The following MTURN variants were observed in gnomAD, a reference collection of about 807,000 sequenced individuals.
MTURN encodes the protein maturin, neural progenitor differentiation regulator homolog.
MTURN carries 7 observed loss-of-function variants against 14.9 expected under a neutral mutation model. That is an observed-to-expected ratio of 0.47 (90% CI 0.27 to 0.88). The LOEUF is 0.88. Ranked by LOEUF, MTURN falls within the 40% of genes least tolerant of loss-of-function variation. MTURN has a pLI of 0.14. For synonymous variants in MTURN, 69 were observed against 72.5 expected (o/e 0.95, Z 0.25); for missense variants, 151 against 174.1 (o/e 0.87, Z 0.75).
rs149424638 is a variant in MTURN at position 30,157,555 on chromosome 7, G to C, written c.*7G>C. 651 of 1,590,420 alleles carry C rather than the reference G, an allele frequency of 4.1e-4. 4 individuals carry two copies. In the African/African-American group the frequency reaches 5.8e-3, roughly 14 times the overall value. On this transcript the variant is annotated 3_prime_UTR_variant, in exon 3 of 3. Coordinates refer to ENST00000324453, the MANE Select transcript of MTURN (RefSeq NM_152793.3). ...GGGGGTCAGCCAGCAGTAAATCTGG[G>C]GGCTCCCCTGAGAAGGAGAGTGAGC...
chr7:30,153,516 A>C (rs904853022), intron 2 of MTURN, among the ~76,000 whole-genome samples: 1 of 152,184 alleles, frequency 6.6e-6, no homozygotes, highest in Non-Finnish European at 1.5e-5. Flanking sequence ...GTCTGCTGTC[A>C]GATCACCCAG....
chr7:30,155,488 C>G (rs1797273300), intron 2 of MTURN, among the ~76,000 whole-genome samples: 1 of 152,120 alleles, frequency 6.6e-6, no homozygotes, highest in Non-Finnish European at 1.5e-5. Context: ...GTTTTTTATT[C>G]CATTTACTAA....
chr7:30,135,623 C>G (rs973116869), intron 1 of MTURN, among the ~76,000 whole-genome samples: 3 of 152,164 alleles, frequency 2.0e-5, no homozygotes, highest in Non-Finnish European at 4.4e-5. Context: ...CCTCGCGGCC[C>G]GTGCGCGGTG....
Position 30,157,790 on chromosome 7 carries a change from T to C in MTURN, c.*242T>C, listed in dbSNP as rs1303597703. 2 of 250,556 alleles carry C rather than the reference T, an allele frequency of 8.0e-6. No individual in the cohort carries two copies. Among genetic ancestry groups the C allele is most frequent in the Non-Finnish European group, 1.5e-5 (2 of 130,562 alleles). The allele number at this position is 250,556 out of a possible 1,614,324, so 15.5% of individuals were successfully genotyped here. A position where few individuals can be genotyped will look rare whatever the true frequency, so the allele number is the denominator to read the frequency against. On this transcript the variant is annotated 3_prime_UTR_variant, in exon 3 of 3. Coordinates refer to ENST00000324453, the MANE Select transcript of MTURN (RefSeq NM_152793.3). The stretch of plus-strand genomic sequence containing the variant: ...TCTATGGAGTTGTCTTGGTAGCCTT[T>C]GCCATTTTGAATTTAGAGTCCATTT...
chr7:30,150,571 G>A (rs1003358923), intron 2 of MTURN, among the ~76,000 whole-genome samples: 1 of 152,204 alleles, frequency 6.6e-6, no homozygotes, highest in African/African-American at 2.4e-5. Flanking sequence ...AGTTTTCTAT[G>A]ATCACATTAT....
intron 1 of MTURN, among the ~76,000 whole-genome samples, chr7:30,143,115 T>G (rs1797076056): frequency 6.6e-6 from 1 of 152,038 alleles, no homozygotes; most frequent in African/African-American, 2.4e-5. Flanking sequence ...GGCCCCTGTA[T>G]CTTCCTAAGA....
At chr7:30,154,500 C>T (rs141500561) in intron 2 of MTURN, among the ~76,000 whole-genome samples, 1 of 152,300 alleles carries the variant, frequency 6.6e-6, no homozygotes, top group Non-Finnish European at 1.5e-5. Context: ...CGTGTAGTTA[C>T]ATAAGGCTCC....
intron 1 of MTURN, among the ~76,000 whole-genome samples, chr7:30,139,676 C>G (rs1046457902): frequency 6.6e-6 from 1 of 152,176 alleles, no homozygotes; most frequent in African/African-American, 2.4e-5. Flanking sequence ...GCAGAACAGC[C>G]CACAGGTGGG....
chr7:30,148,612 G>T (rs1002163516), intron 2 of MTURN, among the ~76,000 whole-genome samples: 18 of 152,198 alleles, frequency 1.2e-4, no homozygotes, highest in Admixed American at 8.5e-4. Context: ...CGGGGTGAGG[G>T]GTTGGATTCT....
At chr7:30,155,546 A>G (rs988845585) in intron 2 of MTURN, among the ~76,000 whole-genome samples, 3 of 152,118 alleles carry the variant, frequency 2.0e-5, no homozygotes, top group South Asian at 2.1e-4. Context: ...TCTTCTCCCA[A>G]GCACACTCAA....
Position 30,150,872 on chromosome 7 carries a change from A to G in MTURN, c.285+4573A>G, listed in dbSNP as rs191833198. On this transcript the variant is annotated intron_variant, in intron 2 of 2. Coordinates refer to ENST00000324453, the MANE Select transcript of MTURN (RefSeq NM_152793.3). ...TTTGCTCCCATGCTGTGTGGCCTCT[A>G]ACAGGTACACTTGGCCTCAGTGTCC... 3.3e-5 allele frequency among the ~76,000 whole-genome samples: 5 copies of G among 152,290 alleles called. No homozygotes were observed. In the East Asian group the frequency reaches 9.7e-4, roughly 29 times the overall value.
At chr7:30,145,987 ATAGAT>A in intron 1 of MTURN, 185 bp from the exon 2 acceptor site, 1 of 1,550,660 alleles carries the variant, frequency 6.4e-7, no homozygotes, top group Non-Finnish European at 8.7e-7. Flanking sequence ...GGGGGCTTCT[ATAGAT>A]TAGACATTTT....
At chr7:30,151,190 A>G (rs1208646024) in intron 2 of MTURN, among the ~76,000 whole-genome samples, 1 of 152,152 alleles carries the variant, frequency 6.6e-6, no homozygotes, top group African/African-American at 2.4e-5. Context: ...TTTTCTTGCT[A>G]CTGGCATGTC....
At chr7:30,145,931 C>T in intron 1 of MTURN, 2 of 1,551,714 alleles carry the variant, frequency 1.3e-6, no homozygotes. Context: ...TGTGTAGGAG[C>T]AGATCTGATG....
intron 1 of MTURN, among the ~76,000 whole-genome samples, chr7:30,139,787 C>T (rs1297446338): frequency 6.6e-6 from 1 of 152,196 alleles, no homozygotes; most frequent in Non-Finnish European, 1.5e-5. Flanking sequence ...TATCTCGCTC[C>T]ACAGGCCATC....
chr7:30,137,221 G>A (rs1796977516), intron 1 of MTURN: 2 of 163,876 alleles, frequency 1.2e-5, no homozygotes, highest in Non-Finnish European at 2.7e-5. Context: ...TCCTTCATCT[G>A]CCAGCGCCCT....
chr7:30,161,122 G>A lies in MTURN; in HGVS notation c.*3574G>A, dbSNP rs2128035414. ...GGGAGCTGTGGTCCCAAGTGTCATT[G>A]GAATTTATATTTTAGGAATAGGCTT... On this transcript the variant is annotated 3_prime_UTR_variant, in exon 3 of 3. Coordinates refer to ENST00000324453, the MANE Select transcript of MTURN (RefSeq NM_152793.3). The A allele has an allele frequency of 6.5e-6, 1 of 152,690 alleles. No individual in the cohort carries two copies. The highest frequency in any genetic ancestry group is 3.4e-3 in the Middle Eastern group (1 of 294). 9.5% of individuals were successfully genotyped at this position (152,690 alleles called of 1,614,324 possible).
chr7:30,135,104 C>T lies in MTURN; in HGVS notation c.-33C>T, dbSNP rs768113233. ...AGGAGGGCGCCTAGGAGCGGGAGGG[C>T]GGGCGGCGGCGGGAGGCGGGCGCGG... On this transcript the variant is annotated 5_prime_UTR_variant, in exon 1 of 3. Transcript: ENST00000324453. The T allele has an allele frequency of 1.9e-5, 26 of 1,397,812 alleles. No homozygotes were observed. The allele number at this position is 1,397,812 out of a possible 1,614,324, so 86.6% of individuals were successfully genotyped here.
rs575688021 is a variant in MTURN, at chr7:30,157,641, C to T, written c.*93C>T. On this transcript the variant is annotated 3_prime_UTR_variant, in exon 3 of 3. Coordinates refer to ENST00000324453, the MANE Select transcript of MTURN (RefSeq NM_152793.3). ...GGGTTAGCATTTTGCATTAGCACTT[C>T]GAAATAGGACATCTGGCTCCCAGCA... 87 of 766,992 alleles carry T rather than the reference C, an allele frequency of 1.1e-4. No individual in the cohort carries two copies. The South Asian group carries it at 1.9e-3, about 17-fold the overall frequency. 47.5% of individuals were successfully genotyped at this position (766,992 alleles called of 1,614,324 possible).
Sources: allele counts gnomAD v4.1 joint callset (sites outside exome capture counted in the v4.1 genomes callset), GRCh38; gene constraint gnomAD v4.1.1; transcripts MANE v1.5; gene names NCBI Gene and HGNC (gene_info 2026-07-23, HGNC 2026-07-21).